The following WNT5B variants were observed in gnomAD, a reference collection of about 807,000 sequenced individuals.
WNT5B encodes protein Wnt-5b.
In WNT5B, 18 loss-of-function variants were observed where a neutral mutation model predicts 36.5. The observed-to-expected ratio is 0.49, with a 90% confidence interval of 0.34 to 0.73. WNT5B has a LOEUF of 0.73. Among genes scored for constraint, WNT5B ranks in the 30% least tolerant of loss-of-function variants. The pLI, the probability that WNT5B is intolerant of heterozygous loss-of-function variation, is 0.01. For missense variants in WNT5B, 424 were observed against 508.4 expected, an observed-to-expected ratio of 0.83 and a Z score of 1.60; for synonymous variants, 213 against 212.3, an observed-to-expected ratio of 1.00 and a Z score of -0.03.
At chr12:1,643,353 G>T (rs377309515) in intron 4 of WNT5B, among the ~76,000 whole-genome samples, 37 of 152,244 alleles carry the variant, frequency 2.4e-4, no homozygotes, top group African/African-American at 8.7e-4. Context: ...GGGACAGATC[G>T]TAGAACTAAA....
At chr12:1,622,272 G>A (rs1034308991) in intron 1 of WNT5B, among the ~76,000 whole-genome samples, 5 of 151,920 alleles carry the variant, frequency 3.3e-5, no homozygotes, top group South Asian at 2.1e-4. Context: ...CACCACGCCC[G>A]GCTAATTTTT....
At position 1,639,669 on chromosome 12, in the gene WNT5B, G is replaced by A. The variant is rs781295499; in HGVS notation, c.329-15G>A. On this transcript the variant is annotated splice_polypyrimidine_tract_variant and intron_variant, in intron 3 of 4. Coordinates refer to ENST00000397196, the MANE Select transcript of WNT5B (RefSeq NM_032642.3). ...GGAGAGCGCACCCGCTTACCGCCCT[G>A]GCCTCATTCTGCAGGCAGCCGAGAG... is the stretch of plus-strand genomic sequence containing the variant. 21 of 1,523,968 alleles carry A rather than the reference G, an allele frequency of 1.4e-5. No individual in the cohort carries two copies. Among genetic ancestry groups the A allele is most frequent in the Non-Finnish European group, 1.7e-5 (19 of 1,145,780 alleles). 94.4% of individuals were successfully genotyped at this position (1,523,968 alleles called of 1,614,324 possible).
chr12:1,643,334 G>C, intron 4 of WNT5B, among the ~76,000 whole-genome samples: 1 of 152,262 alleles, frequency 6.6e-6, no homozygotes, highest in East Asian at 1.9e-4. Context: ...GCTGAGAGGC[G>C]CTTTTCCAGG....
At position 1,636,497 on chromosome 12, in the gene WNT5B, C is replaced by CTA. The variant is rs56095993; in HGVS notation, c.329-3144_329-3143dup. Among the ~76,000 whole-genome samples, 542 of 80,906 alleles carry CTA rather than the reference C, an allele frequency of 6.7e-3. 5 individuals are homozygous for CTA. The highest frequency in any genetic ancestry group is 0.011 in the Middle Eastern group (1 of 88). 53.1% of individuals were successfully genotyped at this position (80,906 alleles called of 152,430 possible). A position where few individuals can be genotyped will look rare whatever the true frequency, so the allele number is the denominator to read the frequency against. On this transcript the variant is annotated intron_variant, in intron 3 of 4. Transcript: ENST00000397196. ...TTTAAAGGTTCATCTGTGTTGCAGT[C>CTA]TATATATATATATATATATATATAT...
chr12:1,633,011 A>G lies in WNT5B; in HGVS notation c.328+106A>G. The G allele has an allele frequency of 6.8e-7, 1 of 1,480,724 alleles. No individual in the cohort carries two copies. The highest frequency in any genetic ancestry group is 9.0e-7 in the Non-Finnish European group (1 of 1,110,896). 91.7% of individuals were successfully genotyped at this position (1,480,724 alleles called of 1,614,324 possible). A position where few individuals can be genotyped will look rare whatever the true frequency, so the allele number is the denominator to read the frequency against. On this transcript the variant is annotated intron_variant, in intron 3 of 4. Transcript: ENST00000397196. The surrounding 1 kb of genome is among the most constrained non-coding windows in gnomAD (Gnocchi z 4.8). ...CACAGGGAGAGCCCAAAGGCAGCCT[A>G]AGTGGGCTCTCTCTAGGCTTGGCAG...
chr12:1,624,197 G>A (rs1481496197), intron 1 of WNT5B, among the ~76,000 whole-genome samples: 1 of 152,060 alleles, frequency 6.6e-6, no homozygotes, highest in African/African-American at 2.4e-5. Flanking sequence ...GACCAGCCTG[G>A]CCAACATGAT....
upstream of WNT5B, among the ~76,000 whole-genome samples, chr12:1,626,267 ATTTTTTT>A (rs201099839): frequency 7.0e-6 from 1 of 142,556 alleles, no homozygotes; most frequent in East Asian, 2.1e-4. Flanking sequence ...CCACAAGTGT[ATTTTTTT>A]TTTTTTGAGA....
At chr12:1,637,404 G>GT (rs372310781) in intron 3 of WNT5B, among the ~76,000 whole-genome samples, 2 of 152,028 alleles carry the variant, frequency 1.3e-5, no homozygotes, top group African/African-American at 4.8e-5. Flanking sequence ...AATGTGAATA[G>GT]GCAATAAAGT....
intron 1 of WNT5B, among the ~76,000 whole-genome samples, chr12:1,621,285 G>T (rs567150247): frequency 2.6e-5 from 4 of 152,224 alleles, no homozygotes; most frequent in South Asian, 4.1e-4. Context: ...TACAGGAAGA[G>T]AATTGGAAGA....
At chr12:1,631,481 T>C (rs1011888463) in intron 2 of WNT5B, 47 bp downstream of exon 2, 1 of 1,612,916 alleles carries the variant, frequency 6.2e-7, no homozygotes, top group Admixed American at 1.7e-5. Flanking sequence ...GGAGGCCTCC[T>C]TCAGCGACTG....
intron 4 of WNT5B, among the ~76,000 whole-genome samples, chr12:1,643,686 C>CTTTT (rs368172169): frequency 8.2e-5 from 8 of 97,440 alleles, no homozygotes; most frequent in African/African-American, 1.2e-4. Flanking sequence ...TTTTTGAAAG[C>CTTTT]TTTTTTTTTT....
rs1330805467 is a variant in WNT5B, at chr12:1,630,594, C to T, written c.-57-704C>T. Among the ~76,000 whole-genome samples, 3 of 152,136 alleles carry T rather than the reference C, an allele frequency of 2.0e-5. No homozygotes were observed. Among genetic ancestry groups the T allele is most frequent in the African/African-American group, 7.2e-5 (3 of 41,434 alleles). ...GGTGCCGCCCTCGAGGACCACGGTG[C>T]CGGGAGGGGCAGGGGCCGCCTAGGG... is the stretch of plus-strand genomic sequence containing the variant. On this transcript the variant is annotated intron_variant, in intron 1 of 4. Coordinates refer to ENST00000397196, the MANE Select transcript of WNT5B (RefSeq NM_032642.3). This position sits in a 1 kb window ranked among gnomAD's most constrained non-coding sequence, Gnocchi z 5.3.
chr12:1,644,678 C>T lies in WNT5B; in HGVS notation c.622-1116C>T, dbSNP rs2240513. On this transcript the variant is annotated intron_variant, in intron 4 of 4. Coordinates refer to ENST00000397196, the MANE Select transcript of WNT5B (RefSeq NM_032642.3). The surrounding 1 kb of genome is among the most constrained non-coding windows in gnomAD (Gnocchi z 5.1). ...AAGAAAATGCTCTGCAGCCGGCTTGCGTTTTCATCCCGCCATCTGCACGTC... is the reference window on the plus strand; with the variant it reads ...AAGAAAATGCTCTGCAGCCGGCTTGTGTTTTCATCCCGCCATCTGCACGTC... The T allele has an allele frequency of 0.64, 98,035 of 152,146 alleles. 31,961 individuals carry two copies. Among genetic ancestry groups the T allele is most frequent in the East Asian group, 0.73 (3,749 of 5,170 alleles). The allele number at this position is 152,146 out of a possible 1,614,324, so 9.4% of individuals were successfully genotyped here. A position where few individuals can be genotyped will look rare whatever the true frequency, so the allele number is the denominator to read the frequency against.
chr12:1,636,542 C>CTT (rs55956039), intron 3 of WNT5B, among the ~76,000 whole-genome samples: 18 of 75,128 alleles, frequency 2.4e-4, no homozygotes, highest in African/African-American at 9.2e-4. Flanking sequence ...TATATATATA[C>CTT]TTTTTTTTTT....
chr12:1,632,653 C>T lies in WNT5B; in HGVS notation c.81-5C>T. 6.3e-7 allele frequency: 1 copy of T among 1,598,690 alleles called. No homozygotes were observed. Among genetic ancestry groups the T allele is most frequent in the Admixed American group, 1.7e-5 (1 of 59,706 alleles). ...TTTTTTCCCCTTTCTGGATTGCTGT[C>T]CTAGGTCATTAGCTTTGAACCCGGT... On this transcript the variant is annotated splice_region_variant and splice_polypyrimidine_tract_variant and intron_variant, in intron 2 of 4. Coordinates refer to ENST00000397196, the MANE Select transcript of WNT5B (RefSeq NM_032642.3). This position sits in a 1 kb window ranked among gnomAD's most constrained non-coding sequence, Gnocchi z 5.8.
upstream of WNT5B, among the ~76,000 whole-genome samples, chr12:1,628,067 G>T (rs183498121): frequency 2.1e-3 from 322 of 152,232 alleles, 2 homozygotes; most frequent in African/African-American, 6.9e-3. Flanking sequence ...GCTCATTCTG[G>T]CTTCTGGAAG....
chr12:1,646,747 C>T lies in WNT5B; in HGVS notation c.*495C>T, dbSNP rs2094586347. ...CCGTAAGAGGCCTGGTGCTCTCTTA[C>T]TCTTTCATCCACGTGCACTTGTGCG... On this transcript the variant is annotated 3_prime_UTR_variant, in exon 5 of 5. Coordinates refer to ENST00000397196, the MANE Select transcript of WNT5B (RefSeq NM_032642.3). 2.0e-5 allele frequency: 3 copies of T among 152,360 alleles called. No homozygotes were observed. The South Asian group carries it at 6.2e-4, about 32-fold the overall frequency. The allele number at this position is 152,360 out of a possible 1,614,324, so 9.4% of individuals were successfully genotyped here.
At chr12:1,639,038 C>T (rs1192141650) in intron 3 of WNT5B, among the ~76,000 whole-genome samples, 1 of 152,182 alleles carries the variant, frequency 6.6e-6, no homozygotes. Flanking sequence ...CCTATTCTCC[C>T]CTCCGCTGAG....
In WNT5B at chr12:1,646,075, C is replaced by T; in HGVS notation, c.903C>T (p.Gly301=). The T allele has an allele frequency of 6.2e-7, 1 of 1,613,828 alleles. No homozygotes were observed. Residue 301 remains glycine, a synonymous_variant, in exon 5 of 5, where the codon GGC becomes GGT. Coordinates refer to ENST00000397196, the MANE Select transcript of WNT5B (RefSeq NM_032642.3). Reference sequence around the variant, plus strand: ...GCACGGGCTCCCTGGGCACGCAGGGCCGCCTCTGCAACAAGACCTCGGAGG... The same window carrying T: ...GCACGGGCTCCCTGGGCACGCAGGGTCGCCTCTGCAACAAGACCTCGGAGG... The part of the protein sequence containing the change: ...NESTGSLGTQ[G]RLCNKTSEGM...
Sources: allele counts gnomAD v4.1 joint callset (sites outside exome capture counted in the v4.1 genomes callset), GRCh38; gene constraint gnomAD v4.1.1; non-coding constraint Gnocchi (gnomAD v3.1); transcripts MANE v1.5; gene names NCBI Gene and HGNC (gene_info 2026-07-23, HGNC 2026-07-21).